Variants in EEF2K observed in about 807,000 individuals in gnomAD.
EEF2K encodes the protein eukaryotic elongation factor 2 kinase.
Under a neutral mutation model 93.8 loss-of-function variants are expected in EEF2K, and 70 were observed. That is an observed-to-expected ratio of 0.75 (90% CI 0.62 to 0.91). The LOEUF (loss-of-function observed/expected upper bound fraction) is 0.91. Ranked by LOEUF, EEF2K falls within the 40% of genes least tolerant of loss-of-function variation. The pLI is 0.00. For missense variants in EEF2K, 935 were observed against 972.9 expected, an observed-to-expected ratio of 0.96 and a Z score of 0.52; for synonymous variants, 376 against 380.8, an observed-to-expected ratio of 0.99 and a Z score of 0.15.
At chr16:22,260,346 A>C (rs1361561615) in intron 10 of EEF2K, 116 bp from the exon 11 acceptor site, 2 of 977,186 alleles carry the variant, frequency 2.0e-6, no homozygotes, top group Non-Finnish European at 3.0e-6. Flanking sequence ...CTTTCTTTAA[A>C]GCTTAAAAAA....
intron 1 of EEF2K, among the ~76,000 whole-genome samples, chr16:22,223,668 G>A (rs955761907): frequency 5.3e-5 from 8 of 152,274 alleles, no homozygotes; most frequent in Admixed American, 4.6e-4. Flanking sequence ...AAAACTGAGA[G>A]TGAATTATCT....
chr16:22,207,474 G>A (rs1598155253), intron 1 of EEF2K, among the ~76,000 whole-genome samples: 1 of 152,302 alleles, frequency 6.6e-6, no homozygotes, highest in African/African-American at 2.4e-5. Context: ...CTGGCCCTCG[G>A]TTTTCTCATC....
chr16:22,208,463 T>C (rs988898839), intron 1 of EEF2K, among the ~76,000 whole-genome samples: 3 of 152,298 alleles, frequency 2.0e-5, no homozygotes, highest in South Asian at 2.1e-4. Flanking sequence ...CCAGGAGGTA[T>C]AGTTTGCAGG....
intron 1 of EEF2K, among the ~76,000 whole-genome samples, chr16:22,221,435 C>T (rs976585157): frequency 5.3e-5 from 8 of 151,840 alleles, no homozygotes; most frequent in Admixed American, 3.9e-4. Context: ...GATCACACCA[C>T]TGCACTCCAG....
rs376339455 is a variant in EEF2K, at chr16:22,285,802, C to T, written c.*1806C>T. 4.6e-5 allele frequency: 7 copies of T among 152,496 alleles called. No homozygotes were observed. In the East Asian group the frequency reaches 1.3e-3, roughly 29 times the overall value. The allele number at this position is 152,496 out of a possible 1,614,324, so 9.4% of individuals were successfully genotyped here. A position where few individuals can be genotyped will look rare whatever the true frequency, so the allele number is the denominator to read the frequency against. The stretch of plus-strand genomic sequence containing the variant: ...CTATTCATTAAAATGGGTCCTTCAA[C>T]ACCTTAGTGGGGTTTGTTGTTGTTG... On this transcript the variant is annotated 3_prime_UTR_variant, in exon 18 of 18. Coordinates refer to ENST00000263026, the MANE Select transcript of EEF2K (RefSeq NM_013302.5).
intron 2 of EEF2K, 100 bp from the exon 3 acceptor site, chr16:22,244,530 T>C (rs2047264855): frequency 8.9e-7 from 1 of 1,119,584 alleles, no homozygotes; most frequent in Non-Finnish European, 1.3e-6. Flanking sequence ...TGATACTGTC[T>C]GCCTCTCCAG....
chr16:22,220,737 G>A (rs541040727), intron 1 of EEF2K, among the ~76,000 whole-genome samples: 1 of 152,290 alleles, frequency 6.6e-6, no homozygotes, highest in African/African-American at 2.4e-5. Context: ...GAGCCATCAC[G>A]CCTGGCCCTG....
chr16:22,280,746 C>T (rs553591776), intron 17 of EEF2K, among the ~76,000 whole-genome samples: 4 of 151,360 alleles, frequency 2.6e-5, no homozygotes, highest in African/African-American at 9.7e-5. Flanking sequence ...CTCACTGCAG[C>T]CTCCACCTCC....
chr16:22,282,414 C>T (rs368400929), intron 17 of EEF2K, among the ~76,000 whole-genome samples: 32 of 152,248 alleles, frequency 2.1e-4, no homozygotes, highest in African/African-American at 7.2e-4. Flanking sequence ...TAGGGCCCTA[C>T]CCTTATGACC....
chr16:22,207,784 A>T (rs751777427), intron 1 of EEF2K, among the ~76,000 whole-genome samples: 86 of 152,142 alleles, frequency 5.7e-4, no homozygotes, highest in Admixed American at 8.5e-4. Context: ...AACAGATTCT[A>T]AAAAGCGAGA....
intron 15 of EEF2K, among the ~76,000 whole-genome samples, chr16:22,267,829 G>A (rs970744375): frequency 6.6e-6 from 1 of 152,194 alleles, no homozygotes; most frequent in African/African-American, 2.4e-5. Context: ...GCCTGCTGCT[G>A]CTTCTGTCCC....
intron 1 of EEF2K, among the ~76,000 whole-genome samples, chr16:22,219,796 C>T (rs192068613): frequency 6.6e-6 from 1 of 152,300 alleles, no homozygotes; most frequent in Admixed American, 6.5e-5. Context: ...GATTGTTATG[C>T]TGTCCCATGG....
At position 22,266,784 on chromosome 16, in the gene EEF2K, G is replaced by T; in HGVS notation, c.1672G>T (p.Ala558Ser). ...QESAVFHLEH[A>S]ANLGELEAIV... ...GTCGGCTGTCTTCCACCTGGAGCAC[G>T]CAGCCAACCTGGGCGAGCTGGAGGC... The change falls in exon 15 of 18, where the codon GCA becomes TCA. Residue 558 changes from alanine to serine, a missense_variant. By Grantham distance (99) the Ala-to-Ser change is moderately conservative. Coordinates refer to ENST00000263026, the MANE Select transcript of EEF2K (RefSeq NM_013302.5). 1.2e-6 allele frequency: 2 copies of T among 1,614,228 alleles called. No homozygotes were observed. Among genetic ancestry groups the T allele is most frequent in the Non-Finnish European group, 1.7e-6 (2 of 1,180,036 alleles).
intron 3 of EEF2K, among the ~76,000 whole-genome samples, chr16:22,245,549 G>A (rs2047279847): frequency 6.6e-6 from 1 of 151,978 alleles, no homozygotes; most frequent in Non-Finnish European, 1.5e-5. Context: ...TCTGGAGTCT[G>A]CCCCGGCTGA....
chr16:22,283,641 T>C (rs1266642828), intron 17 of EEF2K, among the ~76,000 whole-genome samples: 1 of 152,194 alleles, frequency 6.6e-6, no homozygotes, highest in East Asian at 1.9e-4. Flanking sequence ...TGATTGGCCA[T>C]GACTAAATCT....
chr16:22,220,625 C>T (rs1490820720), intron 1 of EEF2K, among the ~76,000 whole-genome samples: 1 of 151,988 alleles, frequency 6.6e-6, no homozygotes, highest in African/African-American at 2.4e-5. Flanking sequence ...TGTATTTTTT[C>T]GTAGAGACAG....
chr16:22,229,985 A>T (rs2047099670), intron 2 of EEF2K, among the ~76,000 whole-genome samples: 1 of 152,118 alleles, frequency 6.6e-6, no homozygotes, highest in South Asian at 2.1e-4. Flanking sequence ...AGCTGGAGTT[A>T]CTCTGGGGCA....
chr16:22,254,277 T>G (rs1165491657), intron 6 of EEF2K, among the ~76,000 whole-genome samples: 1 of 152,142 alleles, frequency 6.6e-6, no homozygotes, highest in Non-Finnish European at 1.5e-5. Flanking sequence ...GCTGTAAGTT[T>G]CCTTGTAGGG....
At chr16:22,257,554 C>A in intron 8 of EEF2K, 89 bp from the exon 9 acceptor site, 7 of 1,563,440 alleles carry the variant, frequency 4.5e-6, no homozygotes, top group Non-Finnish European at 6.0e-6. Context: ...CGTTTTATAC[C>A]TGCCCTGGCC....
Sources: gnomAD v4.1 joint callset for allele counts (sites outside exome capture counted in the v4.1 genomes callset) on GRCh38, gnomAD v4.1.1 for gene constraint, MANE v1.5 for transcripts, NCBI Gene and HGNC (gene_info 2026-07-23, HGNC 2026-07-21) for gene names.